Variants in CEP63 observed in about 807,000 individuals in gnomAD.
CEP63 encodes centrosomal protein of 63 kDa.
In CEP63, 84 loss-of-function variants were observed where a neutral mutation model predicts 89.1. The observed-to-expected ratio is 0.94, with a 90% CI of 0.79 to 1.13. The LOEUF (loss-of-function observed/expected upper bound fraction) is 1.13. Among genes scored for constraint, CEP63 ranks in the 50% most tolerant of loss-of-function variants. CEP63 has a pLI of 0.00. For missense variants in CEP63, 838 were observed against 813.3 expected (o/e 1.03, Z -0.37); for synonymous variants, 267 against 272.5 (o/e 0.98, Z 0.20).
chr3:134,598,513 G>A, the CEP63 span, among the ~76,000 whole-genome samples: 2 of 152,190 alleles, frequency 1.3e-5, no homozygotes, highest in African/African-American at 4.8e-5. Flanking sequence ...ATATATGAAT[G>A]GGAGGCCATT....
the CEP63 span, chr3:134,650,697 A>G: frequency 4.8e-6 from 4 of 833,386 alleles, no homozygotes; most frequent in East Asian, 8.9e-5. Context: ...GACGGCAGCC[A>G]TGGGGGAGAG....
At chr3:134,494,912 A>G (rs770857441) in intron 1 of CEP63, among the ~76,000 whole-genome samples, 2 of 152,170 alleles carry the variant, frequency 1.3e-5, no homozygotes, top group African/African-American at 4.8e-5. Flanking sequence ...TTAAAAAGCT[A>G]TACTTTCCCT....
intron 1 of CEP63, among the ~76,000 whole-genome samples, chr3:134,488,482 G>A (rs546230249): frequency 9.2e-5 from 14 of 152,110 alleles, no homozygotes; most frequent in Admixed American, 4.6e-4. Context: ...GGTGGTGTGC[G>A]CCTGTAATCC....
the CEP63 span, chr3:134,608,764 C>A: frequency 6.2e-7 from 1 of 1,614,056 alleles, no homozygotes. Context: ...GTTTTAGCAG[C>A]TGCCAGTTCT....
downstream of CEP63, among the ~76,000 whole-genome samples, chr3:134,569,363 A>G (rs1334071348): frequency 6.6e-6 from 1 of 152,276 alleles, no homozygotes; most frequent in African/African-American, 2.4e-5. Flanking sequence ...TGAGTTAATT[A>G]CTTCTCAGAT....
chr3:134,744,390 T>C, the CEP63 span, among the ~76,000 whole-genome samples: 2 of 152,166 alleles, frequency 1.3e-5, no homozygotes, highest in Non-Finnish European at 2.9e-5. Flanking sequence ...GGTTTTAAGA[T>C]CCAACTGAAA....
At chr3:134,612,797 T>TG in the CEP63 span, among the ~76,000 whole-genome samples, 5 of 53,202 alleles carry the variant, frequency 9.4e-5, no homozygotes, top group Non-Finnish European at 2.0e-4. Context: ...GTGTGTGTGT[T>TG]GCCTGCATGC....
the CEP63 span, among the ~76,000 whole-genome samples, chr3:134,686,706 G>C: frequency 3.3e-5 from 5 of 152,218 alleles, no homozygotes; most frequent in Non-Finnish European, 7.3e-5. Flanking sequence ...CACAGTGAAT[G>C]CTAATGGGTG....
the CEP63 span, among the ~76,000 whole-genome samples, chr3:134,696,382 G>A: frequency 1.3e-5 from 2 of 152,354 alleles, no homozygotes; most frequent in Admixed American, 1.3e-4. Context: ...CCTGCAAAAT[G>A]TCTCAGGGCT....
chr3:134,579,037 G>A (rs947326281), downstream of CEP63, among the ~76,000 whole-genome samples: 3 of 152,230 alleles, frequency 2.0e-5, no homozygotes, highest in South Asian at 2.1e-4. Context: ...GATTACAGGC[G>A]TGAGCCACTG....
chr3:134,604,031 T>C, the CEP63 span: 3 of 1,613,876 alleles, frequency 1.9e-6, no homozygotes, highest in East Asian at 4.5e-5. Context: ...AGCTGGAAGA[T>C]GTAGCGCCGC....
At chr3:134,502,099 G>A (rs1942168736) in intron 2 of CEP63, among the ~76,000 whole-genome samples, 2 of 152,070 alleles carry the variant, frequency 1.3e-5, no homozygotes, top group Admixed American at 1.3e-4. Context: ...TATGGTTTTT[G>A]TTTTTAATTC....
chr3:134,651,724 A>G, the CEP63 span: 13 of 634,208 alleles, frequency 2.0e-5, no homozygotes, highest in Non-Finnish European at 1.2e-5. Flanking sequence ...GGTTCGTTCT[A>G]GAAGCCTGGC....
At chr3:134,701,650 C>T in the CEP63 span, among the ~76,000 whole-genome samples, 2 of 151,750 alleles carry the variant, frequency 1.3e-5, no homozygotes, top group Non-Finnish European at 2.9e-5. Context: ...GGAAGCATTC[C>T]CCTTGAAAAA....
downstream of CEP63, chr3:134,575,116 C>CTTCCTTCCTTCCTTCCTTCT (rs1553797525): frequency 0.012 from 3,229 of 274,804 alleles, 140 homozygotes; most frequent in African/African-American, 0.067. Flanking sequence ...AAGATAACTC[C>CTTCCTTCCTTCCTTCCTTCT]TTCCTTCCTT....
chr3:134,699,792 T>C, the CEP63 span, among the ~76,000 whole-genome samples: 3 of 152,258 alleles, frequency 2.0e-5, no homozygotes, highest in Non-Finnish European at 4.4e-5. Flanking sequence ...CTTGTCATGC[T>C]TGACAACTTC....
chr3:134,537,047 G>A, intron 5 of CEP63, 108 bp from the exon 6 acceptor site: 1 of 771,544 alleles, frequency 1.3e-6, no homozygotes, highest in East Asian at 2.5e-5. Context: ...GGAGAAAGGT[G>A]CAAGCGTACC....
intron 14 of CEP63, among the ~76,000 whole-genome samples, chr3:134,560,546 G>A (rs1957161160): frequency 1.3e-5 from 2 of 152,120 alleles, no homozygotes. Context: ...CGCAGTGTAG[G>A]GAAAGAAGCT....
chr3:134,558,359 TA>T lies in CEP63; in HGVS notation c.1673+16del. ...AATACAGAGTTCAAGTAAAATTTTT[TA>T]AAAGTTTATTTAAAATGTGTATTGG... On this transcript the variant is annotated intron_variant, in intron 13 of 14. Coordinates refer to ENST00000675561, the MANE Select transcript of CEP63 (RefSeq NM_001353108.3). 6.4e-7 allele frequency: 1 copy of T among 1,555,596 alleles called. No homozygotes were observed. The highest frequency in any genetic ancestry group is 8.9e-7 in the Non-Finnish European group (1 of 1,127,888).
Sources: gnomAD v4.1 joint callset for allele counts (sites outside exome capture counted in the v4.1 genomes callset) on GRCh38, gnomAD v4.1.1 for gene constraint, MANE v1.5 for transcripts, NCBI Gene and HGNC (gene_info 2026-07-23, HGNC 2026-07-21) for gene names.